The following ADGRD1 variants were observed in gnomAD, a reference collection of about 807,000 sequenced individuals.
ADGRD1 encodes the protein adhesion G protein-coupled receptor D1.
In ADGRD1, 77 loss-of-function variants were observed where a neutral mutation model predicts 113.4. The observed-to-expected ratio is 0.68, with a 90% CI of 0.57 to 0.82. The LOEUF (loss-of-function observed/expected upper bound fraction) is 0.82, where lower values mean the gene tolerates loss of function less well. Among genes scored for constraint, ADGRD1 ranks in the 40% least tolerant of loss-of-function variants. The pLI is 0.00. For synonymous variants in ADGRD1, 474 were observed against 475.0 expected (o/e 1.00, Z 0.03); for missense variants, 1,036 against 1,139.1 (o/e 0.91, Z 1.30).
At chr12:130,992,183 A>G in intron 7 of ADGRD1, 54 bp from the exon 8 acceptor site, 2 of 1,376,884 alleles carry the variant, frequency 1.5e-6, no homozygotes, top group Non-Finnish European at 2.0e-6. Flanking sequence ...AAACTTCTGT[A>G]TAATATTTTG....
At chr12:130,986,909 C>T in intron 5 of ADGRD1, 186 bp from the exon 6 acceptor site, 1 of 587,686 alleles carries the variant, frequency 1.7e-6, no homozygotes, top group South Asian at 2.2e-5. Context: ...AAAAAGATAA[C>T]ATCCTTCCTG....
chr12:130,977,326 G>A (rs4759818), intron 4 of ADGRD1: 126,050 of 152,242 alleles, frequency 0.83, 53,135 homozygotes, highest in East Asian at 0.95. Context: ...GGGGAAAGTG[G>A]GTGTCCTACA....
At chr12:130,996,639 C>G (rs555636843) in intron 8 of ADGRD1, among the ~76,000 whole-genome samples, 7 of 90,828 alleles carry the variant, frequency 7.7e-5, no homozygotes, top group South Asian at 3.6e-4. Flanking sequence ...CCGGACGAGG[C>G]GGCTGGCCGG....
intron 12 of ADGRD1, among the ~76,000 whole-genome samples, chr12:131,011,957 C>T (rs1291135632): frequency 1.3e-5 from 2 of 152,178 alleles, no homozygotes; most frequent in African/African-American, 4.8e-5. Context: ...CGGGGCTTTG[C>T]CTTGGTCCCC....
chr12:131,000,221 CAT>C (rs1238921587), intron 8 of ADGRD1, among the ~76,000 whole-genome samples, 160 bp from the exon 9 acceptor site: 2 of 152,350 alleles, frequency 1.3e-5, no homozygotes, highest in East Asian at 3.9e-4. Flanking sequence ...GGCTTCGTAA[CAT>C]ATCATGTGGT....
intron 13 of ADGRD1, among the ~76,000 whole-genome samples, chr12:131,045,999 G>A (rs1290305576): frequency 1.3e-5 from 2 of 150,376 alleles, no homozygotes; most frequent in Non-Finnish European, 3.0e-5. Flanking sequence ...TCCTTGCTCA[G>A]TGTCCTCCCT....
intron 13 of ADGRD1, among the ~76,000 whole-genome samples, chr12:131,063,238 CT>C (rs1884477569): frequency 6.6e-6 from 1 of 152,044 alleles, no homozygotes; most frequent in African/African-American, 2.4e-5. Context: ...ATATTTTCTC[CT>C]TGTCTGCAGC....
At chr12:131,097,136 C>G (rs543212771) in intron 15 of ADGRD1, among the ~76,000 whole-genome samples, 3 of 152,160 alleles carry the variant, frequency 2.0e-5, no homozygotes, top group Non-Finnish European at 4.4e-5. Context: ...TAGCAATTCC[C>G]TGAGTCAAAT....
At position 131,075,679 on chromosome 12, in the gene ADGRD1, G is replaced by T. The variant is rs1490151841; in HGVS notation, c.1474-1122G>T. 6.6e-6 allele frequency among the ~76,000 whole-genome samples: 1 copy of T among 152,200 alleles called. No homozygotes were observed. Among genetic ancestry groups the T allele is most frequent in the East Asian group, 1.9e-4 (1 of 5,198 alleles). ...TTCTGCAGTGGGGTCCGAGGTGCCT[G>T]TCAGGGGCACCAGAGCTGCTGCTTC... On this transcript the variant is annotated intron_variant, in intron 13 of 24. Coordinates refer to ENST00000261654, the MANE Select transcript of ADGRD1 (RefSeq NM_198827.5). The surrounding 1 kb of genome is among the most constrained non-coding windows in gnomAD (Gnocchi z 5.3).
At chr12:131,117,788 A>C (rs1387025241) in intron 18 of ADGRD1, among the ~76,000 whole-genome samples, 2 of 152,218 alleles carry the variant, frequency 1.3e-5, no homozygotes, top group African/African-American at 4.8e-5. Flanking sequence ...TGTGCATGGC[A>C]AAGTCAGCCA....
At chr12:131,007,115 G>A (rs1016372793) in intron 12 of ADGRD1, among the ~76,000 whole-genome samples, 3 of 152,232 alleles carry the variant, frequency 2.0e-5, no homozygotes, top group African/African-American at 7.2e-5. Context: ...TGGGAAAGCG[G>A]CATCCGTGCC....
chr12:131,039,160 G>T (rs1211212864), intron 13 of ADGRD1, among the ~76,000 whole-genome samples: 1 of 151,750 alleles, frequency 6.6e-6, no homozygotes, highest in Non-Finnish European at 1.5e-5. Flanking sequence ...GAGCCGGGAC[G>T]GTGCGGAGAG....
intron 13 of ADGRD1, among the ~76,000 whole-genome samples, chr12:131,021,811 A>G (rs1294230356): frequency 2.6e-5 from 4 of 152,004 alleles, no homozygotes; most frequent in Non-Finnish European, 5.9e-5. Flanking sequence ...GGCTCAAACC[A>G]TCCTCCTGCG....
intron 4 of ADGRD1, among the ~76,000 whole-genome samples, chr12:130,973,779 T>C (rs1369687070): frequency 7.3e-6 from 1 of 136,524 alleles, no homozygotes; most frequent in Non-Finnish European, 1.6e-5. Context: ...ATGTGGCCAC[T>C]TTCTTTAGAG....
At chr12:131,078,265 A>G (rs1437882214) in intron 14 of ADGRD1, among the ~76,000 whole-genome samples, 2 of 152,210 alleles carry the variant, frequency 1.3e-5, no homozygotes, top group African/African-American at 2.4e-5. Context: ...AACAGCGAGG[A>G]AAGTGCAGCC....
At chr12:131,108,971 A>T in intron 18 of ADGRD1, 94 bp downstream of exon 18, 2 of 136,176 alleles carry the variant, frequency 1.5e-5, no homozygotes, top group Non-Finnish European at 2.6e-5. Flanking sequence ...GACAGGTGGA[A>T]GTGGGGACAG....
chr12:131,039,082 C>G (rs1208618437), intron 13 of ADGRD1, among the ~76,000 whole-genome samples: 1 of 152,202 alleles, frequency 6.6e-6, no homozygotes, highest in African/African-American at 2.4e-5. Flanking sequence ...AGTCCTCTGT[C>G]GAAGGCCCCG....
intron 20 of ADGRD1, among the ~76,000 whole-genome samples, chr12:131,122,406 G>C: frequency 6.6e-6 from 1 of 152,154 alleles, no homozygotes; most frequent in East Asian, 1.9e-4. Context: ...TCTGGGGGCC[G>C]CAGCGCCTCC....
chr12:130,967,607 C>T (rs1395240925), intron 3 of ADGRD1: 2 of 152,488 alleles, frequency 1.3e-5, no homozygotes, highest in Non-Finnish European at 2.9e-5. Flanking sequence ...CTGGCATTTT[C>T]CTTACTCCTG....
Sources: gnomAD v4.1 joint callset for allele counts (sites outside exome capture counted in the v4.1 genomes callset) on GRCh38, gnomAD v4.1.1 for gene constraint, Gnocchi (gnomAD v3.1) non-coding constraint, MANE v1.5 for transcripts, NCBI Gene and HGNC (gene_info 2026-07-23, HGNC 2026-07-21) for gene names.